The following FER1L5 variants were observed in gnomAD, a reference collection of about 807,000 sequenced individuals.
The protein encoded by FER1L5 is fer-1 like family member 5.
In FER1L5, 187 loss-of-function variants were observed where a neutral mutation model predicts 279.9. The observed-to-expected ratio is 0.67, with a 90% CI of 0.59 to 0.75. The LOEUF (loss-of-function observed/expected upper bound fraction) is 0.75. Among genes scored for constraint, FER1L5 ranks in the 30% least tolerant of loss-of-function variants. The pLI is 0.00. For missense variants in FER1L5, 2,091 were observed against 2,594.4 expected (o/e 0.81, Z 4.21); for synonymous variants, 921 against 989.7 (o/e 0.93, Z 1.30).
In FER1L5 at chr2:96,703,591, C is replaced by T; in HGVS notation, c.5760C>T (p.Gly1920=). 1.2e-6 allele frequency: 2 copies of T among 1,613,886 alleles called. No individual in the cohort carries two copies. The highest frequency in any genetic ancestry group is 1.7e-6 in the Non-Finnish European group (2 of 1,179,864). The change falls in exon 51 of 53, where the codon GGC becomes GGT. Residue 1920 remains glycine, a synonymous_variant. Transcript: ENST00000624922. The part of the protein sequence containing the change: ...KEALIKPAGR[G]QSEPNQYPTL... Reference sequence around the variant, plus strand: ...CCTTAATCAAGCCAGCCGGGCGAGGCCAGTCGGAACCCAACCAGTACCCCA... The same window carrying T: ...CCTTAATCAAGCCAGCCGGGCGAGGTCAGTCGGAACCCAACCAGTACCCCA...
Position 96,689,296 on chromosome 2 carries a change from C to G in FER1L5, c.2445C>G (p.Asn815Lys). 1 of 1,550,372 alleles carries G rather than the reference C, an allele frequency of 6.5e-7. No homozygotes were observed. The highest frequency in any genetic ancestry group is 8.7e-7 in the Non-Finnish European group (1 of 1,146,652). Residue 815 changes from asparagine to lysine, a missense_variant, in exon 25 of 53, where the codon AAC becomes AAG. By Grantham distance (94) the Asn-to-Lys change is moderately conservative (BLOSUM62 0). Transcript: ENST00000624922. This position sits in a 1 kb window ranked among gnomAD's most constrained non-coding sequence, Gnocchi z 4.6. Reference sequence around the variant, plus strand: ...CCAACTTCTCGGATGTCATGGGGAACAAGACCCTCCCCATGACGGATTTCC... The same window carrying G: ...CCAACTTCTCGGATGTCATGGGGAAGAAGACCCTCCCCATGACGGATTTCC... ...HCPNFSDVMGNKTLPMTDFQP... is the reference protein window; with the variant it reads ...HCPNFSDVMGKKTLPMTDFQP...
chr2:96,677,990 T>G (rs1437982846), intron 19 of FER1L5, among the ~76,000 whole-genome samples: 1 of 152,164 alleles, frequency 6.6e-6, no homozygotes, highest in African/African-American at 2.4e-5. Context: ...CTCCTAGAAA[T>G]GTAAGATGAT....
At chr2:96,651,227 T>TTCTTTCTTTC (rs1196510305) in intron 6 of FER1L5, among the ~76,000 whole-genome samples, 1 of 151,060 alleles carries the variant, frequency 6.6e-6, no homozygotes, top group Non-Finnish European at 1.5e-5. Context: ...ACAACTTTCT[T>TTCTTTCTTTC]TCTTTCTTTC....
intron 19 of FER1L5, among the ~76,000 whole-genome samples, chr2:96,682,308 T>C (rs1461869066): frequency 2.0e-5 from 3 of 152,142 alleles, no homozygotes; most frequent in African/African-American, 7.2e-5. Context: ...GCCAGGCTGG[T>C]CTCAAACTCC....
At chr2:96,674,923 T>G (rs959809365) in intron 19 of FER1L5, among the ~76,000 whole-genome samples, 1 of 152,218 alleles carries the variant, frequency 6.6e-6, no homozygotes, top group Non-Finnish European at 1.5e-5. Context: ...CTTCCCAGAT[T>G]CCTTCACCCA....
chr2:96,696,068 G>C lies in FER1L5; in HGVS notation c.4074G>C (p.Lys1358Asn), dbSNP rs760653199. Residue 1358 changes from lysine (K) to asparagine (N), a missense_variant, in exon 37 of 53, where the codon AAG becomes AAC. By Grantham distance (94) the Lys-to-Asn change is moderately conservative. Coordinates refer to ENST00000624922, the MANE Select transcript of FER1L5 (RefSeq NM_001293083.2). Reference protein sequence around the residue: ...HPKLPTLSEKKHQDFLGYLYR... With the variant: ...HPKLPTLSEKNHQDFLGYLYR... ...CCCGCACAGCGCTGTCTGAGAAGAA[G>C]CACCAAGACGTAAGTAAGGGCTGCA... 20 of 1,613,884 alleles carry C rather than the reference G, an allele frequency of 1.2e-5. No individual in the cohort carries two copies. Among genetic ancestry groups the C allele is most frequent in the Non-Finnish European group, 1.7e-5 (20 of 1,179,896 alleles).
chr2:96,657,970 G>A (rs1573807166), intron 9 of FER1L5, among the ~76,000 whole-genome samples: 1 of 152,002 alleles, frequency 6.6e-6, no homozygotes, highest in East Asian at 1.9e-4. Context: ...ATATGTAGAA[G>A]CAGAATGACT....
Position 96,642,909 on chromosome 2 carries a change from A to G in FER1L5, c.73A>G (p.Ile25Val), listed in dbSNP as rs775517105. ...LAPLPRPCMS[I>V]DFRDIKKRTR... ...CCCACTACCCAGGCCCTGCATGTCC[A>G]TCGACTTCAGAGGTGAGAGCCTCCC... Residue 25 changes from isoleucine (I) to valine (V), a missense_variant, in exon 1 of 53, where the codon ATC becomes GTC. Physicochemically the swap from Ile to Val is conservative, Grantham distance 29. Transcript: ENST00000624922. 3 of 1,550,958 alleles carry G rather than the reference A, an allele frequency of 1.9e-6. No homozygotes were observed. The highest frequency in any genetic ancestry group is 1.2e-5 in the South Asian group (1 of 83,932).
At chr2:96,700,148 G>C in intron 44 of FER1L5, 68 bp downstream of exon 44, 1 of 1,595,806 alleles carries the variant, frequency 6.3e-7, no homozygotes, top group Admixed American at 1.8e-5. Context: ...GCTCCAGAAT[G>C]GAAGAGCTGC....
intron 9 of FER1L5, among the ~76,000 whole-genome samples, chr2:96,659,302 C>CTTCCTTCA: frequency 2.9e-5 from 1 of 34,218 alleles, no homozygotes; most frequent in South Asian, 3.3e-3. Context: ...TCCTTCCTTC[C>CTTCCTTCA]TTCCTTCCTT....
At chr2:96,654,761 A>T (rs2106466565) in intron 9 of FER1L5, 1 of 197,150 alleles carries the variant, frequency 5.1e-6, no homozygotes, top group South Asian at 1.9e-4. Flanking sequence ...TAGCGGGGTG[A>T]GGTGGCGGGT....
intron 45 of FER1L5, 23 bp from the exon 46 acceptor site, chr2:96,701,932 C>G (rs749336519): frequency 6.2e-7 from 1 of 1,612,048 alleles, no homozygotes; most frequent in Admixed American, 1.7e-5. Flanking sequence ...AACCCCCAAC[C>G]AGTCAATGTA....
intron 31 of FER1L5, among the ~76,000 whole-genome samples, chr2:96,693,150 G>A (rs2077223181): frequency 6.6e-6 from 1 of 151,604 alleles, no homozygotes. Flanking sequence ...ACTCCAGCCT[G>A]GGCGAAAGAG....
chr2:96,660,363 A>C lies in FER1L5; in HGVS notation c.770A>C (p.His257Pro), dbSNP rs1178370073. 6.4e-7 allele frequency: 1 copy of C among 1,551,676 alleles called. No homozygotes were observed. Among genetic ancestry groups the C allele is most frequent in the Non-Finnish European group, 8.7e-7 (1 of 1,146,966 alleles). ...CAGACAGATATTGGGTTTATCTACC[A>C]TTCTCCAGGTAGGTAATACTTATGG... ...RFQTDIGFIYHSPGHTLLRKW... is the reference protein window; with the variant it reads ...RFQTDIGFIYPSPGHTLLRKW... Residue 257 changes from histidine to proline, a missense_variant, in exon 10 of 53, where the codon CAT (histidine) becomes CCT (proline). By Grantham distance (77) the His-to-Pro change is moderately conservative. Transcript: ENST00000624922.
Position 96,698,995 on chromosome 2 carries a change from T to A in FER1L5, c.4519-50T>A. Reference sequence around the variant, plus strand: ...CTCCTCCCACCCTCCCTGACAAACCTGGACGGCCTCCCCAGTTCCTATCCT... The same window carrying A: ...CTCCTCCCACCCTCCCTGACAAACCAGGACGGCCTCCCCAGTTCCTATCCT... On this transcript the variant is annotated intron_variant, in intron 41 of 52. Coordinates refer to ENST00000624922, the MANE Select transcript of FER1L5 (RefSeq NM_001293083.2). The surrounding 1 kb of genome is among the most constrained non-coding windows in gnomAD (Gnocchi z 5.5). The A allele has an allele frequency of 6.5e-7, 1 of 1,544,778 alleles. No individual in the cohort carries two copies. The highest frequency in any genetic ancestry group is 8.8e-7 in the Non-Finnish European group (1 of 1,135,592).
In FER1L5 at chr2:96,692,429, T is replaced by C. The variant is rs572130514; in HGVS notation, c.3292+248T>C. On this transcript the variant is annotated intron_variant, in intron 31 of 52. Coordinates refer to ENST00000624922, the MANE Select transcript of FER1L5 (RefSeq NM_001293083.2). Reference sequence around the variant, plus strand: ...TCTCCCAAGCAGCTCATGGTCCTGGTTTGGGGAAAAGACACAAAACAAAGA... The same window carrying C: ...TCTCCCAAGCAGCTCATGGTCCTGGCTTGGGGAAAAGACACAAAACAAAGA... Among the ~76,000 whole-genome samples the C allele has an allele frequency of 9.2e-5, 14 of 152,146 alleles. No homozygotes were observed. In the East Asian group the frequency reaches 2.3e-3, roughly 25 times the overall value.
intron 9 of FER1L5, among the ~76,000 whole-genome samples, chr2:96,659,501 C>A (rs1366848866): frequency 1.0e-4 from 5 of 47,780 alleles, no homozygotes; most frequent in Non-Finnish European, 1.6e-4. Flanking sequence ...TTCTTTCTTT[C>A]TTTCTTTCGA....
intron 19 of FER1L5, among the ~76,000 whole-genome samples, chr2:96,678,179 C>T (rs368182549): frequency 6.6e-6 from 1 of 151,812 alleles, no homozygotes; most frequent in African/African-American, 2.4e-5. Context: ...GGCTGGAGTG[C>T]AGTGGGGCAA....
intron 19 of FER1L5, among the ~76,000 whole-genome samples, chr2:96,680,015 C>G (rs556233204): frequency 6.6e-6 from 1 of 152,250 alleles, no homozygotes; most frequent in East Asian, 1.9e-4. Context: ...GCAATCTGCC[C>G]CTACTCAGCA....
Sources: gnomAD v4.1 joint callset for allele counts (sites outside exome capture counted in the v4.1 genomes callset) on GRCh38, gnomAD v4.1.1 for gene constraint, Gnocchi (gnomAD v3.1) non-coding constraint, MANE v1.5 for transcripts, NCBI Gene and HGNC (gene_info 2026-07-23, HGNC 2026-07-21) for gene names.